SYNPR: variants seen among roughly 807,000 people sequenced by gnomAD.
SYNPR encodes the protein synaptoporin.
In SYNPR, 23 loss-of-function variants were observed where a neutral mutation model predicts 32.9. That is an observed-to-expected ratio of 0.70 (90% confidence interval 0.50 to 0.99). The LOEUF is 0.99. SYNPR is among the 50% of genes least tolerant of loss of function. SYNPR has a pLI of 0.00. For missense variants in SYNPR, 318 were observed against 349.3 expected, an observed-to-expected ratio of 0.91 and a Z score of 0.71; for synonymous variants, 146 against 135.9, an observed-to-expected ratio of 1.07 and a Z score of -0.52.
At chr3:63,211,644 T>C in the SYNPR span, among the ~76,000 whole-genome samples, 1 of 151,988 alleles carries the variant, frequency 6.6e-6, no homozygotes, top group African/African-American at 2.4e-5. Context: ...CATATCAGCT[T>C]CCCAGGGTCT....
At chr3:63,462,301 A>G (rs1700598519) in intron 2 of SYNPR, among the ~76,000 whole-genome samples, 1 of 152,010 alleles carries the variant, frequency 6.6e-6, no homozygotes, top group South Asian at 2.1e-4. Context: ...TTCCTTTATC[A>G]CAATTTTATT....
intron 2 of SYNPR, among the ~76,000 whole-genome samples, chr3:63,370,429 T>G (rs1018470397): frequency 6.6e-6 from 1 of 152,244 alleles, no homozygotes; most frequent in African/African-American, 2.4e-5. Flanking sequence ...ATTGACAAGC[T>G]GTCTAGTGTG....
chr3:63,259,564 G>T (rs566389450), intron 2 of SYNPR, among the ~76,000 whole-genome samples: 1 of 152,224 alleles, frequency 6.6e-6, no homozygotes, highest in South Asian at 2.1e-4. Flanking sequence ...GGTATTGATG[G>T]GACGTATCTC....
At chr3:63,491,752 C>A (rs1288372204) in intron 3 of SYNPR, among the ~76,000 whole-genome samples, 2 of 152,084 alleles carry the variant, frequency 1.3e-5, no homozygotes, top group Non-Finnish European at 2.9e-5. Flanking sequence ...AACTCCTGAT[C>A]TCAAGTGATC....
At chr3:63,379,633 C>G (rs1431391105) in intron 2 of SYNPR, among the ~76,000 whole-genome samples, 1 of 151,802 alleles carries the variant, frequency 6.6e-6, no homozygotes, top group Non-Finnish European at 1.5e-5. Flanking sequence ...TTTAATATTG[C>G]TATTCTTTCT....
chr3:63,205,194 C>T, the SYNPR span, among the ~76,000 whole-genome samples: 1 of 152,186 alleles, frequency 6.6e-6, no homozygotes, highest in East Asian at 1.9e-4. Context: ...TCCTTTTTCA[C>T]AGACAGGGGC....
intron 4 of SYNPR, among the ~76,000 whole-genome samples, chr3:63,596,018 A>C (rs1699954439): frequency 1.4e-5 from 2 of 141,336 alleles, no homozygotes; most frequent in African/African-American, 2.6e-5. Context: ...ATTATACTTT[A>C]AGTTATAGGG....
At chr3:63,345,862 T>C (rs797005804) in intron 2 of SYNPR, among the ~76,000 whole-genome samples, 7 of 152,280 alleles carry the variant, frequency 4.6e-5, no homozygotes, top group African/African-American at 1.7e-4. Context: ...TTGCCCAGAC[T>C]GGAGTGCAGT....
intron 3 of SYNPR, among the ~76,000 whole-genome samples, chr3:63,268,890 T>C (rs1310515875): frequency 6.6e-6 from 1 of 152,238 alleles, no homozygotes; most frequent in East Asian, 1.9e-4. Flanking sequence ...TCTTTTGACA[T>C]TTTTGCACTG....
chr3:63,551,686 A>C (rs761200057), intron 3 of SYNPR, among the ~76,000 whole-genome samples: 1 of 151,976 alleles, frequency 6.6e-6, no homozygotes, highest in African/African-American at 2.4e-5. Context: ...GGTAATTCCT[A>C]TTATCTTTAA....
At chr3:63,296,457 TC>T (rs1309380745) in intron 2 of SYNPR, among the ~76,000 whole-genome samples, 1 of 152,140 alleles carries the variant, frequency 6.6e-6, no homozygotes, top group East Asian at 1.9e-4. Flanking sequence ...CGCAAGAGGT[TC>T]TCAGGAGCCT....
At chr3:63,567,319 G>T (rs1224058572) in intron 4 of SYNPR, among the ~76,000 whole-genome samples, 1 of 152,148 alleles carries the variant, frequency 6.6e-6, no homozygotes, top group Non-Finnish European at 1.5e-5. Context: ...AAAAAAAGTG[G>T]AAGGGTGTAA....
chr3:63,609,415 A>AGTTTTGTAGG, intron 5 of SYNPR, 99 bp downstream of exon 5: 1 of 1,143,644 alleles, frequency 8.7e-7, no homozygotes, highest in Non-Finnish European at 1.2e-6. Context: ...ATTGTTGCCT[A>AGTTTTGTAGG]CAAAACTAGG....
rs370374186 is a variant in SYNPR at position 63,337,361 on chromosome 3, T to G, written c.84+58619T>G. ...TGGTTAAAATGCAAAACACTAACAA[T>G]GCCAAATGCTGGTGAGGATGTGGAG... On this transcript the variant is annotated intron_variant, in intron 2 of 5. Transcript: ENST00000478300. 4.2e-4 allele frequency among the ~76,000 whole-genome samples: 63 copies of G among 151,608 alleles called. 1 individual carries two copies. The highest frequency in any genetic ancestry group is 1.5e-3 in the African/African-American group (62 of 41,244).
chr3:63,404,841 A>T (rs2088339074), intron 2 of SYNPR, among the ~76,000 whole-genome samples: 1 of 152,170 alleles, frequency 6.6e-6, no homozygotes, highest in Non-Finnish European at 1.5e-5. Context: ...AACACGTTTC[A>T]CATAAATCTC....
intron 3 of SYNPR, among the ~76,000 whole-genome samples, chr3:63,498,020 C>A (rs1701405287): frequency 6.6e-6 from 1 of 152,148 alleles, no homozygotes; most frequent in African/African-American, 2.4e-5. Flanking sequence ...GCTCTTCTTT[C>A]AAAGTCTCAC....
chr3:63,392,838 A>T (rs553297816), intron 2 of SYNPR, among the ~76,000 whole-genome samples: 57 of 152,250 alleles, frequency 3.7e-4, no homozygotes, highest in African/African-American at 1.4e-3. Context: ...TTTTGGAAAA[A>T]AACTGCACTG....
At chr3:63,309,673 A>G (rs953379009) in intron 2 of SYNPR, among the ~76,000 whole-genome samples, 4 of 151,966 alleles carry the variant, frequency 2.6e-5, no homozygotes, top group African/African-American at 9.7e-5. Context: ...CTGTGTGAGC[A>G]TCAGATATTC....
chr3:63,253,799 C>T (rs962760909), intron 2 of SYNPR, among the ~76,000 whole-genome samples: 3 of 152,156 alleles, frequency 2.0e-5, no homozygotes, highest in Non-Finnish European at 4.4e-5. Context: ...CCATTTGACC[C>T]AGCCATCTCA....
Sources: allele counts gnomAD v4.1 joint callset (sites outside exome capture counted in the v4.1 genomes callset), GRCh38; gene constraint gnomAD v4.1.1; transcripts MANE v1.5; gene names NCBI Gene and HGNC (gene_info 2026-07-23, HGNC 2026-07-21).